The following RIMKLB variants were observed in gnomAD, a reference collection of about 807,000 sequenced individuals.
The protein encoded by RIMKLB is ribosomal modification protein rimK like family member B, also known as beta-citrylglutamate synthase B.
A neutral mutation model predicts 32.0 loss-of-function variants in RIMKLB; 7 were observed. The observed-to-expected ratio is 0.22, with a 90% CI of 0.12 to 0.41. The LOEUF (loss-of-function observed/expected upper bound fraction) is 0.41, where lower values mean the gene tolerates loss of function less well. Ranked by LOEUF, RIMKLB falls within the 10% of genes least tolerant of loss-of-function variation. The pLI is 1.00. For missense variants in RIMKLB, 289 were observed against 498.7 expected, an observed-to-expected ratio of 0.58 and a Z score of 4.00; for synonymous variants, 172 against 185.1, an observed-to-expected ratio of 0.93 and a Z score of 0.57.
chr12:8,730,273 G>A (rs1946414957), intron 2 of RIMKLB, among the ~76,000 whole-genome samples: 1 of 152,154 alleles, frequency 6.6e-6, no homozygotes, highest in Non-Finnish European at 1.5e-5. Context: ...TTATTTTTCA[G>A]TAGAGACAGG....
Position 8,773,710 on chromosome 12 carries a change from C to A in RIMKLB, c.1087C>A (p.Leu363Ile). ...SDPESTEREL[L>I]TKLPGGLFNM... ...CCCTGAAAGCACGGAGCGAGAGCTG[C>A]TCACCAAGCTCCCAGGGGGCCTGTT... The change falls in exon 6 of 6, where the codon CTC (leucine) becomes ATC (isoleucine). Residue 363 changes from leucine to isoleucine, a missense_variant. Leu to Ile is a conservative substitution (Grantham distance 5, BLOSUM62 2). This residue lies in a region of RIMKLB where 99 missense variants were observed against 133.9 expected (regional missense o/e 0.74). Coordinates refer to ENST00000535829, the MANE Select transcript of RIMKLB (RefSeq NM_001297776.2). The A allele has an allele frequency of 6.2e-7, 1 of 1,614,272 alleles. No individual in the cohort carries two copies. The highest frequency in any genetic ancestry group is 1.1e-5 in the South Asian group (1 of 91,088).
In RIMKLB at chr12:8,776,815, A is replaced by G. The variant is rs1950755218; in HGVS notation, c.*3031A>G. On this transcript the variant is annotated 3_prime_UTR_variant, in exon 6 of 6. Coordinates refer to ENST00000535829, the MANE Select transcript of RIMKLB (RefSeq NM_001297776.2). The stretch of plus-strand genomic sequence containing the variant: ...AAACCCAACAAGAGACTTGGCATTC[A>G]TCAAGCACATTATCAGACTTTGAGA... 2 of 985,746 alleles carry G rather than the reference A, an allele frequency of 2.0e-6. No homozygotes were observed. Among genetic ancestry groups the G allele is most frequent in the Non-Finnish European group, 2.4e-6 (2 of 829,894 alleles). The allele number at this position is 985,746 out of a possible 1,614,324, so 61.1% of individuals were successfully genotyped here.
At chr12:8,688,362 A>G (rs1188443911) in intron 1 of RIMKLB, among the ~76,000 whole-genome samples, 2 of 152,216 alleles carry the variant, frequency 1.3e-5, no homozygotes, top group African/African-American at 4.8e-5. Flanking sequence ...TATGGGGGCA[A>G]CATGAGAGGG....
chr12:8,673,712 T>TAGCC, the RIMKLB span, among the ~76,000 whole-genome samples: 2 of 151,906 alleles, frequency 1.3e-5, no homozygotes, highest in African/African-American at 4.8e-5. Context: ...TCTTCTACCT[T>TAGCC]AGCCTCCCCA....
the RIMKLB span, among the ~76,000 whole-genome samples, chr12:8,673,917 A>T: frequency 1.3e-5 from 2 of 152,034 alleles, no homozygotes; most frequent in Admixed American, 6.5e-5. Flanking sequence ...TTCTGACAGC[A>T]CAATCATGGG....
At chr12:8,680,935 G>A (rs1352368154), upstream of RIMKLB, among the ~76,000 whole-genome samples, 1 of 151,452 alleles carries the variant, frequency 6.6e-6, no homozygotes, top group Admixed American at 6.6e-5. Context: ...GAAGCATTGT[G>A]TATTACAAGC....
At chr12:8,777,356 T>C, downstream of RIMKLB, 1 of 985,036 alleles carries the variant, frequency 1.0e-6, no homozygotes, top group Non-Finnish European at 1.2e-6. Flanking sequence ...CTTCTAGTCT[T>C]CCAGGTTTAA....
At chr12:8,701,090 T>A (rs1943353345) in intron 1 of RIMKLB, among the ~76,000 whole-genome samples, 1 of 151,924 alleles carries the variant, frequency 6.6e-6, no homozygotes, top group Non-Finnish European at 1.5e-5. Flanking sequence ...GAAACTGTAA[T>A]ACGTTATTAG....
chr12:8,772,269 G>A (rs77223415), intron 5 of RIMKLB, among the ~76,000 whole-genome samples: 2,579 of 152,254 alleles, frequency 0.017, 73 homozygotes, highest in African/African-American at 0.058. Context: ...CTCTCAAAGC[G>A]ACTGTACTCT....
chr12:8,760,256 C>T (rs1949406222), intron 5 of RIMKLB, among the ~76,000 whole-genome samples: 1 of 152,192 alleles, frequency 6.6e-6, no homozygotes, highest in South Asian at 2.1e-4. Context: ...ATCCATGTCC[C>T]TACAAAGGAC....
chr12:8,717,340 T>G (rs983098891), intron 2 of RIMKLB, among the ~76,000 whole-genome samples: 1 of 152,210 alleles, frequency 6.6e-6, no homozygotes, highest in Admixed American at 6.5e-5. Flanking sequence ...TACACGTCAT[T>G]TACACATTAT....
intron 1 of RIMKLB, among the ~76,000 whole-genome samples, chr12:8,684,700 C>T (rs1022998391): frequency 6.6e-6 from 1 of 152,186 alleles, no homozygotes; most frequent in East Asian, 1.9e-4. Flanking sequence ...AGTCTCGGCT[C>T]ACTGCAACCT....
intron 1 of RIMKLB, among the ~76,000 whole-genome samples, chr12:8,682,076 GA>G (rs929750843): frequency 2.6e-5 from 4 of 151,998 alleles, no homozygotes; most frequent in African/African-American, 9.7e-5. Context: ...TCAGTGTGGG[GA>G]AAAAAACTCG....
In RIMKLB at chr12:8,698,707, T is replaced by TC. The variant is rs954590046; in HGVS notation, c.-57+418dup. Among the ~76,000 whole-genome samples the TC allele has an allele frequency of 6.6e-3, 748 of 113,436 alleles. 2 individuals carry two copies. Among genetic ancestry groups the TC allele is most frequent in the African/African-American group, 0.025 (703 of 28,596 alleles). 74.4% of individuals were successfully genotyped at this position (113,436 alleles called of 152,430 possible). On this transcript the variant is annotated intron_variant, in intron 1 of 5. Coordinates refer to ENST00000535829, the MANE Select transcript of RIMKLB (RefSeq NM_001297776.2). ...CTCGGGATTGCGGCGACACTCCCCCTCCCCCCCCTTCCCACAAATTCTATG... is the reference window on the plus strand; with the variant it reads ...CTCGGGATTGCGGCGACACTCCCCCTCCCCCCCCCTTCCCACAAATTCTATG...
downstream of RIMKLB, among the ~76,000 whole-genome samples, chr12:8,781,478 A>G (rs1432923865): frequency 3.9e-5 from 6 of 152,132 alleles, no homozygotes; most frequent in Non-Finnish European, 8.8e-5. Flanking sequence ...GTCAAGACCC[A>G]TTTCTTTGTC....
chr12:8,718,669 A>ATGTGTGTG lies in RIMKLB; in HGVS notation c.175+4662_175+4669dup, dbSNP rs1182850325. Among the ~76,000 whole-genome samples the ATGTGTGTG allele has an allele frequency of 3.7e-3, 434 of 116,184 alleles. 2 individuals are homozygous for ATGTGTGTG. Among genetic ancestry groups the ATGTGTGTG allele is most frequent in the South Asian group, 7.0e-3 (24 of 3,414 alleles). 76.2% of individuals were successfully genotyped at this position (116,184 alleles called of 152,430 possible). A position where few individuals can be genotyped will look rare whatever the true frequency, so the allele number is the denominator to read the frequency against. ...TCTCTCTCTCTATATATATATATAT[A>ATGTGTGTG]TGTGTGTGTGTGTGTGTGTGTGTGT... On this transcript the variant is annotated intron_variant, in intron 2 of 5. Coordinates refer to ENST00000535829, the MANE Select transcript of RIMKLB (RefSeq NM_001297776.2).
rs1950724810 is a variant in RIMKLB, at chr12:8,776,322, G to A, written c.*2538G>A. 2.0e-6 allele frequency: 2 copies of A among 978,860 alleles called. No homozygotes were observed. The highest frequency in any genetic ancestry group is 2.4e-6 in the Non-Finnish European group (2 of 824,018). 60.6% of individuals were successfully genotyped at this position (978,860 alleles called of 1,614,324 possible). ...AGTTATCTTAGATTTTAAAAACATG[G>A]ATATCTTCTTGAATTCCTTCAAGAT... On this transcript the variant is annotated 3_prime_UTR_variant, in exon 6 of 6. Coordinates refer to ENST00000535829, the MANE Select transcript of RIMKLB (RefSeq NM_001297776.2).
chr12:8,670,537 T>C, the RIMKLB span, among the ~76,000 whole-genome samples: 2 of 152,232 alleles, frequency 1.3e-5, no homozygotes, highest in African/African-American at 4.8e-5. Context: ...AAGAGGTGGG[T>C]TCCCATGGTC....
At chr12:8,743,414 G>A in intron 2 of RIMKLB, among the ~76,000 whole-genome samples, 1 of 150,406 alleles carries the variant, frequency 6.6e-6, no homozygotes, top group Non-Finnish European at 1.5e-5. Flanking sequence ...GAATGCTCAA[G>A]GATGGAATGA....
Sources: allele counts gnomAD v4.1 joint callset (sites outside exome capture counted in the v4.1 genomes callset), GRCh38; gene constraint gnomAD v4.1.1; regional missense constraint gnomAD v4.1.1; transcripts MANE v1.5; gene names NCBI Gene and HGNC (gene_info 2026-07-23, HGNC 2026-07-21).